Variants in NFIB observed in about 807,000 individuals in gnomAD.
NFIB encodes the protein nuclear factor 1 B-type.
NFIB carries 11 observed loss-of-function variants against 61.5 expected under a neutral mutation model. That is an observed-to-expected ratio of 0.18 (90% CI 0.11 to 0.30). The LOEUF (loss-of-function observed/expected upper bound fraction) is 0.30, where lower values mean the gene tolerates loss of function less well. Ranked by LOEUF, NFIB falls within the 10% of genes least tolerant of loss-of-function variation. The pLI is 1.00. For missense variants in NFIB, 471 were observed against 608.9 expected (o/e 0.77, Z 2.38); for synonymous variants, 260 against 216.5 (o/e 1.20, Z -1.76).
chr9:14,493,982 C>T, the NFIB span, among the ~76,000 whole-genome samples: 1 of 152,148 alleles, frequency 6.6e-6, no homozygotes, highest in East Asian at 1.9e-4. Flanking sequence ...ATTAAAGGCA[C>T]CATCCCTGAG....
intron 2 of NFIB, among the ~76,000 whole-genome samples, chr9:14,293,665 G>A (rs968710872): frequency 1.3e-5 from 2 of 152,136 alleles, no homozygotes; most frequent in Admixed American, 6.5e-5. Context: ...ACTTTAAAAC[G>A]GAGTCTACTT....
intron 1 of NFIB, among the ~76,000 whole-genome samples, chr9:14,347,611 G>C (rs924727359): frequency 6.6e-6 from 1 of 152,172 alleles, no homozygotes; most frequent in Non-Finnish European, 1.5e-5. Context: ...AAGGGAAGGA[G>C]TGGCCAGCTC....
chr9:14,126,413 G>A (rs1221073427), intron 6 of NFIB, among the ~76,000 whole-genome samples: 2 of 152,222 alleles, frequency 1.3e-5, no homozygotes, highest in Non-Finnish European at 2.9e-5. Flanking sequence ...TACAATGTGT[G>A]TTGAGAGCAG....
chr9:14,176,018 C>T (rs974315831), intron 3 of NFIB, among the ~76,000 whole-genome samples: 1 of 152,008 alleles, frequency 6.6e-6, no homozygotes, highest in Admixed American at 6.6e-5. Context: ...GATCATAGTC[C>T]AAAGAATGTA....
intron 1 of NFIB, among the ~76,000 whole-genome samples, chr9:14,388,650 G>A (rs1035892022): frequency 1.3e-5 from 2 of 152,100 alleles, no homozygotes; most frequent in African/African-American, 4.8e-5. Flanking sequence ...TGAATGGGGA[G>A]GATATGACCA....
At chr9:14,483,312 C>T in the NFIB span, among the ~76,000 whole-genome samples, 59 of 152,268 alleles carry the variant, frequency 3.9e-4, no homozygotes, top group African/African-American at 1.3e-3. Flanking sequence ...TATTTCATTG[C>T]TACCGGGATA....
At position 14,313,425 on chromosome 9, in the gene NFIB, AAAAC is replaced by A. The variant is rs1180825394; in HGVS notation, c.30+53_30+56del. Reference sequence around the variant, plus strand: ...AGCCGCTAATTGTCCGCAACAAAACAAAACAAAGGCATTTCGGGCCAGAGAGAAA... The same window carrying A: ...AGCCGCTAATTGTCCGCAACAAAACAAAAGGCATTTCGGGCCAGAGAGAAA... On this transcript the variant is annotated intron_variant, in intron 1 of 10. Transcript: ENST00000380953. The surrounding 1 kb of genome is among the most constrained non-coding windows in gnomAD (Gnocchi z 4.5). 1 of 1,612,434 alleles carries A rather than the reference AAAAC, an allele frequency of 6.2e-7. No homozygotes were observed. Among genetic ancestry groups the A allele is most frequent in the African/African-American group, 1.3e-5 (1 of 74,892 alleles).
At chr9:14,401,333 G>T (rs2061741086), upstream of NFIB, among the ~76,000 whole-genome samples, 1 of 152,100 alleles carries the variant, frequency 6.6e-6, no homozygotes, top group Non-Finnish European at 1.5e-5. Flanking sequence ...AATCAATCTT[G>T]TGGCACAGAC....
chr9:14,303,997 T>C (rs1454903775), intron 2 of NFIB, among the ~76,000 whole-genome samples: 1 of 152,242 alleles, frequency 6.6e-6, no homozygotes, highest in Non-Finnish European at 1.5e-5. Context: ...TGGACTGAAT[T>C]GCGGTCAACC....
At chr9:14,244,682 G>C (rs957323298) in intron 2 of NFIB, among the ~76,000 whole-genome samples, 2 of 152,070 alleles carry the variant, frequency 1.3e-5, no homozygotes, top group Admixed American at 6.5e-5. Flanking sequence ...CTCTGAATTT[G>C]AATTTGTATA....
Position 14,313,192 on chromosome 9 carries a change from C to T in NFIB, c.30+290G>A, listed in dbSNP as rs1350944246. ...CACAACGGGCACTTGAGGGGCCGCA[C>T]GGGGCCTCGCACTTACAGGTCCCGG... On this transcript the variant is annotated intron_variant, in intron 1 of 10. Coordinates refer to ENST00000380953, the MANE Select transcript of NFIB (RefSeq NM_001190737.2). This position sits in a 1 kb window ranked among gnomAD's most constrained non-coding sequence, Gnocchi z 4.5. Among the ~76,000 whole-genome samples, 1 of 152,030 alleles carries T rather than the reference C, an allele frequency of 6.6e-6. No homozygotes were observed. Among genetic ancestry groups the T allele is most frequent in the Non-Finnish European group, 1.5e-5 (1 of 67,970 alleles).
At chr9:14,410,417 G>A in the NFIB span, among the ~76,000 whole-genome samples, 244 of 152,186 alleles carry the variant, frequency 1.6e-3, 1 homozygote, top group African/African-American at 5.6e-3. Flanking sequence ...TATTGGAAAG[G>A]GCCTAATATT....
chr9:14,133,662 TG>T (rs1047236705), intron 6 of NFIB, among the ~76,000 whole-genome samples: 37 of 152,182 alleles, frequency 2.4e-4, no homozygotes, highest in African/African-American at 8.4e-4. Context: ...CCTCTGTTTT[TG>T]CCCTGGGATA....
At chr9:14,119,034 T>G (rs1290601507) in intron 8 of NFIB, among the ~76,000 whole-genome samples, 1 of 152,066 alleles carries the variant, frequency 6.6e-6, no homozygotes, top group African/African-American at 2.4e-5. Flanking sequence ...CCAATGGAAC[T>G]CTAAGATTTT....
chr9:14,260,181 A>G, intron 2 of NFIB, among the ~76,000 whole-genome samples: 1 of 152,200 alleles, frequency 6.6e-6, no homozygotes, highest in East Asian at 1.9e-4. Flanking sequence ...CTGACTTCAG[A>G]GAATGGATCT....
At chr9:14,129,821 T>C (rs2040183270) in intron 6 of NFIB, among the ~76,000 whole-genome samples, 1 of 152,128 alleles carries the variant, frequency 6.6e-6, no homozygotes, top group Admixed American at 6.5e-5. Context: ...ACTTGAATAA[T>C]GCATACATAA....
Position 14,159,316 on chromosome 9 carries a change from T to C in NFIB, c.617-3423A>G, listed in dbSNP as rs146479908. Among the ~76,000 whole-genome samples, 12 of 152,254 alleles carry C rather than the reference T, an allele frequency of 7.9e-5. No homozygotes were observed. The East Asian group carries it at 2.3e-3, about 29-fold the overall frequency. ...ACGGAAACAATGGAAAGAGGTAGTT[T>C]ACCGAAACCATGAAAAGCATTGGAA... On this transcript the variant is annotated intron_variant, in intron 3 of 10. Transcript: ENST00000380953.
chr9:14,274,518 C>A (rs2057863407), intron 2 of NFIB, among the ~76,000 whole-genome samples: 1 of 152,150 alleles, frequency 6.6e-6, no homozygotes, highest in Non-Finnish European at 1.5e-5. Flanking sequence ...ATAGCTGCTG[C>A]TCTGGCAGAG....
chr9:14,339,514 C>T (rs2060925286), intron 1 of NFIB, among the ~76,000 whole-genome samples: 1 of 152,318 alleles, frequency 6.6e-6, no homozygotes, highest in East Asian at 1.9e-4. Flanking sequence ...TTCTTGTTCA[C>T]ATCTCTGATA....
Sources: gnomAD v4.1 joint callset for allele counts (sites outside exome capture counted in the v4.1 genomes callset) on GRCh38, gnomAD v4.1.1 for gene constraint, Gnocchi (gnomAD v3.1) non-coding constraint, MANE v1.5 for transcripts, NCBI Gene and HGNC (gene_info 2026-07-23, HGNC 2026-07-21) for gene names.